ARFGEF3: variants seen among roughly 807,000 people sequenced by gnomAD.
The protein encoded by ARFGEF3 is brefeldin A-inhibited guanine nucleotide-exchange protein 3.
ARFGEF3 carries 96 observed loss-of-function variants against 221.7 expected under a neutral mutation model. The observed-to-expected ratio is 0.43, with a 90% CI of 0.37 to 0.51. The LOEUF (loss-of-function observed/expected upper bound fraction) is 0.51, where lower values mean the gene tolerates loss of function less well. Ranked by LOEUF, ARFGEF3 falls within the 20% of genes least tolerant of loss-of-function variation. The pLI is 0.00. For synonymous variants in ARFGEF3, 1,145 were observed against 1,126.8 expected, an observed-to-expected ratio of 1.02 and a Z score of -0.32; for missense variants, 2,410 against 2,789.9, an observed-to-expected ratio of 0.86 and a Z score of 3.07.
At chr6:138,333,546 A>T (rs1780262457) in intron 32 of ARFGEF3, among the ~76,000 whole-genome samples, 1 of 152,028 alleles carries the variant, frequency 6.6e-6, no homozygotes, top group Admixed American at 6.6e-5. Flanking sequence ...GGTTCATGCC[A>T]TTCTCCTGCT....
intron 6 of ARFGEF3, among the ~76,000 whole-genome samples, chr6:138,240,097 G>A (rs1778365519): frequency 1.3e-5 from 2 of 152,076 alleles, no homozygotes; most frequent in Admixed American, 1.3e-4. Flanking sequence ...GTTTTAACTT[G>A]AGATATTTTT....
chr6:138,259,358 C>G (rs1778745187), intron 10 of ARFGEF3, among the ~76,000 whole-genome samples: 1 of 152,152 alleles, frequency 6.6e-6, no homozygotes. Context: ...TTTTGTTTTT[C>G]AAAGCACAGC....
chr6:138,164,539 A>G (rs568452937), intron 1 of ARFGEF3, among the ~76,000 whole-genome samples: 7 of 152,262 alleles, frequency 4.6e-5, no homozygotes, highest in Non-Finnish European at 7.4e-5. Flanking sequence ...AGTACCTACT[A>G]TTTTGGATAA....
chr6:138,321,648 T>C (rs1246006571), intron 29 of ARFGEF3, among the ~76,000 whole-genome samples: 1 of 152,176 alleles, frequency 6.6e-6, no homozygotes, highest in Non-Finnish European at 1.5e-5. Flanking sequence ...TGTAAATTAG[T>C]ACAACCACTA....
chr6:138,211,569 TTTC>T (rs1389762670), intron 4 of ARFGEF3, among the ~76,000 whole-genome samples: 6 of 152,208 alleles, frequency 3.9e-5, no homozygotes, highest in African/African-American at 1.4e-4. Context: ...CCTGTGAATC[TTTC>T]TTCTTCTATT....
intron 5 of ARFGEF3, among the ~76,000 whole-genome samples, chr6:138,237,506 A>G (rs1464912317): frequency 6.7e-6 from 1 of 150,074 alleles, no homozygotes; most frequent in Non-Finnish European, 1.5e-5. Flanking sequence ...ATATTATCAA[A>G]TGAGGGATTT....
At chr6:138,307,207 CT>C in intron 22 of ARFGEF3, 45 bp from the exon 23 acceptor site, 3 of 1,600,086 alleles carry the variant, frequency 1.9e-6, no homozygotes, top group Non-Finnish European at 2.6e-6. Context: ...AATTCTGCTC[CT>C]TTTAAGGAGA....
intron 31 of ARFGEF3, among the ~76,000 whole-genome samples, chr6:138,327,626 GT>G (rs751432657): frequency 6.6e-6 from 1 of 152,062 alleles, no homozygotes. Flanking sequence ...CCTGACAGAA[GT>G]CCCAACTCCT....
intron 14 of ARFGEF3, among the ~76,000 whole-genome samples, chr6:138,284,972 G>T (rs1010551368): frequency 2.6e-5 from 4 of 152,124 alleles, no homozygotes; most frequent in South Asian, 2.1e-4. Flanking sequence ...CATAGAAAAG[G>T]TGCAATAAAA....
chr6:138,173,204 A>G (rs1776874610), intron 2 of ARFGEF3, among the ~76,000 whole-genome samples: 1 of 152,182 alleles, frequency 6.6e-6, no homozygotes, highest in African/African-American at 2.4e-5. Context: ...TTCACAAGAT[A>G]CATTTCAAAA....
intron 4 of ARFGEF3, among the ~76,000 whole-genome samples, chr6:138,219,568 G>T (rs1431009599): frequency 1.3e-5 from 2 of 152,214 alleles, no homozygotes; most frequent in Non-Finnish European, 2.9e-5. Context: ...AATGCAGAAA[G>T]GTGTGGCTGA....
At chr6:138,218,097 A>C (rs759540211) in intron 4 of ARFGEF3, 1 of 1,613,836 alleles carries the variant, frequency 6.2e-7, no homozygotes, top group Non-Finnish European at 8.5e-7. Context: ...TTCTGAAGAT[A>C]ATGAGGAACA....
Position 138,336,549 on chromosome 6 carries a change from G to T in ARFGEF3, c.*63G>T. 1 of 1,360,534 alleles carries T rather than the reference G, an allele frequency of 7.4e-7. No homozygotes were observed. Among genetic ancestry groups the T allele is most frequent in the Non-Finnish European group, 1.0e-6 (1 of 995,986 alleles). 84.3% of individuals were successfully genotyped at this position (1,360,534 alleles called of 1,614,324 possible). On this transcript the variant is annotated 3_prime_UTR_variant, in exon 34 of 34. Transcript: ENST00000251691. ...TGAGGGTTAGAGTCCTGCCAATACA[G>T]CTGTTGCATTTTCCCCACCACTAGC...
At chr6:138,204,334 A>C (rs931987657) in intron 2 of ARFGEF3, among the ~76,000 whole-genome samples, 5 of 119,682 alleles carry the variant, frequency 4.2e-5, no homozygotes, top group Non-Finnish European at 6.5e-5. Context: ...ATGAAACTCC[A>C]TCTCCAAAAA....
At position 138,262,881 on chromosome 6, in the gene ARFGEF3, G is replaced by A; in HGVS notation, c.1398G>A (p.Glu466=). ...TTGAGGAGCTGAAGGATGGGGCTGA[G>A]TGGAGCCGAGATTCCATGGAGATCA... ...LRLEELKDGA[E]WSRDSMEINE... Residue 466 remains glutamate (E), a synonymous_variant, in exon 12 of 34, where the codon GAG becomes GAA. Transcript: ENST00000251691. The A allele has an allele frequency of 6.2e-7, 1 of 1,613,724 alleles. No homozygotes were observed. Among genetic ancestry groups the A allele is most frequent in the Non-Finnish European group, 8.5e-7 (1 of 1,179,726 alleles).
chr6:138,198,723 A>T (rs1469965457), intron 2 of ARFGEF3, among the ~76,000 whole-genome samples: 3 of 152,200 alleles, frequency 2.0e-5, no homozygotes, highest in Non-Finnish European at 4.4e-5. Flanking sequence ...AACTGCCTAC[A>T]CCTTCTCATA....
rs369412915 is a variant in ARFGEF3, at chr6:138,312,713, T to TTTTG, written c.4201-1065_4201-1062dup. 1.0e-3 allele frequency among the ~76,000 whole-genome samples: 158 copies of TTTTG among 152,166 alleles called. 2 individuals are homozygous for TTTTG. Among genetic ancestry groups the TTTTG allele is most frequent in the African/African-American group, 3.3e-3 (139 of 41,510 alleles). ...CAATTCCTGCCAAGATCCCCCACTTTTTTGTTTGTTTGTTTGTTTGCACAG... is the reference window on the plus strand; with the variant it reads ...CAATTCCTGCCAAGATCCCCCACTTTTTTGTTTGTTTGTTTGTTTGTTTGCACAG... On this transcript the variant is annotated intron_variant, in intron 25 of 33. Transcript: ENST00000251691.
intron 29 of ARFGEF3, among the ~76,000 whole-genome samples, chr6:138,322,615 T>C (rs1207986028): frequency 6.6e-6 from 1 of 151,960 alleles, no homozygotes; most frequent in East Asian, 1.9e-4. Flanking sequence ...GCCAATATGA[T>C]GAAACCCTGT....
intron 12 of ARFGEF3, among the ~76,000 whole-genome samples, chr6:138,277,663 A>G (rs145820770): frequency 3.9e-5 from 6 of 152,344 alleles, no homozygotes; most frequent in Non-Finnish European, 7.4e-5. Context: ...AGGGTCTACT[A>G]TGTACCAAAT....
Sources: allele counts gnomAD v4.1 joint callset (sites outside exome capture counted in the v4.1 genomes callset), GRCh38; gene constraint gnomAD v4.1.1; transcripts MANE v1.5; gene names NCBI Gene and HGNC (gene_info 2026-07-23, HGNC 2026-07-21).